Variants in SCN2A observed in about 807,000 individuals in gnomAD.
SCN2A encodes sodium channel protein type 2 subunit alpha.
In SCN2A, 20 loss-of-function variants were observed where a neutral mutation model predicts 188.7. That is an observed-to-expected ratio of 0.11 (90% confidence interval 0.07 to 0.15). The LOEUF is 0.15. Ranked by LOEUF, SCN2A falls within the 10% of genes least tolerant of loss-of-function variation. The probability of loss-of-function intolerance (pLI) is 1.00; values close to 1 mark genes in which losing one functional copy is unlikely to be tolerated. For synonymous variants in SCN2A, 804 were observed against 833.1 expected (o/e 0.97, Z 0.60); for missense variants, 1,278 against 2,445.0 (o/e 0.52, Z 10.07).
At chr2:165,285,344 A>G in intron 1 of SCN2A, 1 of 167,314 alleles carries the variant, frequency 6.0e-6, no homozygotes, top group Non-Finnish European at 1.3e-5. Context: ...CCTGAAGTTG[A>G]ATTTGACAAA....
intron 12 of SCN2A, 49 bp downstream of exon 12, chr2:165,323,549 G>A: frequency 6.7e-7 from 1 of 1,502,456 alleles, no homozygotes. Context: ...TGTGACTGGT[G>A]CAGGCAGGAG....
intron 1 of SCN2A, chr2:165,270,794 G>A (rs533462155): frequency 1.3e-5 from 2 of 152,078 alleles, no homozygotes; most frequent in East Asian, 1.9e-4. Context: ...CCACATCCAC[G>A]AAGCCTCTGC....
chr2:165,328,609 TAAA>T (rs1698493706), intron 13 of SCN2A: 2 of 643,984 alleles, frequency 3.1e-6, no homozygotes, highest in Non-Finnish European at 3.9e-6. Context: ...AGACATTACT[TAAA>T]AAACCTCAAA....
intron 16 of SCN2A, among the ~76,000 whole-genome samples, chr2:165,350,460 C>CTTTTTTTTTTTTTTTTTTTTTTT (rs796595702): frequency 2.6e-5 from 2 of 77,934 alleles, no homozygotes; most frequent in Admixed American, 1.6e-4. Flanking sequence ...GAACTGTTTT[C>CTTTTTTTTTTTTTTTTTTTTTTT]TTTCTTTTTT....
chr2:165,374,796 A>C lies in SCN2A; in HGVS notation c.4084A>C (p.Lys1362Gln). ...SIMGVNLFAGKFYHCINYTTG... is the reference protein window; with the variant it reads ...SIMGVNLFAGQFYHCINYTTG... ...CATGGGAGTGAATCTCTTTGCTGGC[A>C]AGTTTTACCATTGTATTAATTACAC... is the stretch of plus-strand genomic sequence containing the variant. Residue 1362 changes from lysine (K) to glutamine (Q), a missense_variant, in exon 22 of 27, where the codon AAG (lysine) becomes CAG (glutamine). Around this residue, in one of 17 missense-constraint regions of SCN2A, gnomAD observed 32 missense variants for 42.5 expected, o/e 0.75. Coordinates refer to ENST00000375437, the MANE Select transcript of SCN2A (RefSeq NM_001040142.2). The C allele has an allele frequency of 6.2e-7, 1 of 1,613,608 alleles. No individual in the cohort carries two copies. The highest frequency in any genetic ancestry group is 8.5e-7 in the Non-Finnish European group (1 of 1,179,712).
intron 12 of SCN2A, among the ~76,000 whole-genome samples, chr2:165,325,358 G>A (rs894844258): frequency 6.6e-6 from 1 of 152,142 alleles, no homozygotes; most frequent in Non-Finnish European, 1.5e-5. Flanking sequence ...GTGCTTTGAG[G>A]CAGGGCACTG....
intron 13 of SCN2A, among the ~76,000 whole-genome samples, chr2:165,329,494 G>C (rs3769943): frequency 0.28 from 42,355 of 151,916 alleles, 6,239 homozygotes; most frequent in Middle Eastern, 0.48. Context: ...TTTTTGGAAT[G>C]AATAATTGAA....
intron 23 of SCN2A, among the ~76,000 whole-genome samples, chr2:165,378,683 C>T (rs907086756): frequency 6.6e-6 from 1 of 151,698 alleles, no homozygotes; most frequent in African/African-American, 2.4e-5. Flanking sequence ...TAATTCAATG[C>T]TCTCTCCACC....
chr2:165,280,808 T>G (rs1215940126), intron 1 of SCN2A, among the ~76,000 whole-genome samples: 1 of 152,212 alleles, frequency 6.6e-6, no homozygotes, highest in Non-Finnish European at 1.5e-5. Flanking sequence ...CCTCCTTAAC[T>G]AATCACTTTC....
intron 14 of SCN2A, among the ~76,000 whole-genome samples, 157 bp downstream of exon 14, chr2:165,331,725 T>G (rs1372122522): frequency 1.3e-5 from 2 of 152,164 alleles, no homozygotes; most frequent in African/African-American, 4.8e-5. Flanking sequence ...AAAATGTTGC[T>G]ACCATAGTGC....
intron 7 of SCN2A, among the ~76,000 whole-genome samples, chr2:165,311,387 A>G (rs1574561626): frequency 1.3e-5 from 2 of 152,248 alleles, no homozygotes; most frequent in South Asian, 4.1e-4. Flanking sequence ...TAAAAACTAG[A>G]TAGCTCTCCA....
At position 165,309,343 on chromosome 2, in the gene SCN2A, C is replaced by T. The variant is rs1324883338; in HGVS notation, c.606-9C>T. The T allele has an allele frequency of 6.2e-7, 1 of 1,613,662 alleles. No individual in the cohort carries two copies. Among genetic ancestry groups the T allele is most frequent in the Non-Finnish European group, 8.5e-7 (1 of 1,179,698 alleles). The stretch of plus-strand genomic sequence containing the variant: ...GTCATTGTGTTTGTGTGTGAACCCC[C>T]TATTACAGATATGTGACAGAGTTTG... On this transcript the variant is annotated splice_polypyrimidine_tract_variant and intron_variant, in intron 5 of 26. Coordinates refer to ENST00000375437, the MANE Select transcript of SCN2A (RefSeq NM_001040142.2).
chr2:165,295,277 T>C lies in SCN2A; in HGVS notation c.-51-496T>C, dbSNP rs75393216. Among the ~76,000 whole-genome samples the C allele has an allele frequency of 3.9e-5, 6 of 152,330 alleles. No individual in the cohort carries two copies. In the East Asian group the frequency reaches 1.2e-3, roughly 29 times the overall value. On this transcript the variant is annotated intron_variant, in intron 1 of 26. Transcript: ENST00000375437. ...CCCAGTGAATTGACTTGGAATAAAC[T>C]CTTAAATGTGATAAAGTGAGCCAAA...
intron 13 of SCN2A, among the ~76,000 whole-genome samples, chr2:165,329,770 A>C (rs1698576550): frequency 1.3e-5 from 2 of 152,106 alleles, no homozygotes. Context: ...CCTTCAATGT[A>C]AATATAAGGT....
intron 3 of SCN2A, 62 bp downstream of exon 3, chr2:165,297,197 A>G (rs1337983186): frequency 4.1e-6 from 4 of 985,848 alleles, no homozygotes; most frequent in South Asian, 2.6e-5. Context: ...ATTGAGCTAC[A>G]CATTTTCCAA....
chr2:165,387,061 AAT>A, intron 26 of SCN2A, 45 bp downstream of exon 26: 1 of 1,583,966 alleles, frequency 6.3e-7, no homozygotes, highest in Non-Finnish European at 8.7e-7. Context: ...TAGTGGTAAA[AAT>A]ATGTGTTTTA....
intron 25 of SCN2A, among the ~76,000 whole-genome samples, chr2:165,385,685 T>G (rs1208973911): frequency 6.6e-6 from 1 of 152,172 alleles, no homozygotes; most frequent in Non-Finnish European, 1.5e-5. Flanking sequence ...TTTCACCAGT[T>G]TTTCCACTGA....
chr2:165,277,666 C>T (rs1209418856), intron 1 of SCN2A, among the ~76,000 whole-genome samples: 1 of 152,130 alleles, frequency 6.6e-6, no homozygotes, highest in Non-Finnish European at 1.5e-5. Context: ...TTCTGAGGGC[C>T]ACTTGGATTT....
intron 22 of SCN2A, among the ~76,000 whole-genome samples, chr2:165,376,091 G>A (rs560832201): frequency 2.0e-4 from 30 of 151,880 alleles, no homozygotes; most frequent in Middle Eastern, 3.4e-3. Context: ...AATTCAATTC[G>A]ACAGGAAGAA....
Sources: gnomAD v4.1 joint callset for allele counts (sites outside exome capture counted in the v4.1 genomes callset) on GRCh38, gnomAD v4.1.1 for gene constraint, gnomAD v4.1.1 regional missense constraint, MANE v1.5 for transcripts, NCBI Gene and HGNC (gene_info 2026-07-23, HGNC 2026-07-21) for gene names.